ESR1: variants seen among roughly 807,000 people sequenced by gnomAD.
ESR1 encodes the protein estrogen receptor 1, also known as estrogen receptor.
In ESR1, 12 loss-of-function variants were observed where a neutral mutation model predicts 52.7. The ratio of observed to expected loss-of-function variants is 0.23; its 90% CI spans 0.15 to 0.37. The LOEUF is 0.37. ESR1 is among the 10% of genes least tolerant of loss of function. The probability of loss-of-function intolerance (pLI) is 1.00; values close to 1 mark genes in which losing one functional copy is unlikely to be tolerated. For synonymous variants in ESR1, 305 were observed against 316.8 expected (o/e 0.96, Z 0.39); for missense variants, 584 against 779.7 (o/e 0.75, Z 2.99).
chr6:151,829,611 GA>G (rs1381794520), intron 1 of ESR1, among the ~76,000 whole-genome samples: 2 of 152,104 alleles, frequency 1.3e-5, no homozygotes, highest in Non-Finnish European at 2.9e-5. Flanking sequence ...GAAAGGGTTT[GA>G]AAAATGGGCT....
intron 3 of ESR1, among the ~76,000 whole-genome samples, chr6:151,899,150 A>T: frequency 8.6e-6 from 1 of 116,034 alleles, no homozygotes; most frequent in Admixed American, 8.7e-5. Context: ...TCCCTCCCGG[A>T]CGGGGCGGCT....
chr6:151,719,149 C>A (rs1781267650), intron 2 of ESR1, among the ~76,000 whole-genome samples: 1 of 152,150 alleles, frequency 6.6e-6, no homozygotes, highest in Non-Finnish European at 1.5e-5. Context: ...CAGTAAACAA[C>A]CTAGACTAAC....
chr6:151,957,572 AG>A (rs1479898371), intron 4 of ESR1, among the ~76,000 whole-genome samples: 1 of 152,112 alleles, frequency 6.6e-6, no homozygotes, highest in African/African-American at 2.4e-5. Flanking sequence ...AAAAAATTCT[AG>A]GTATTGACCC....
At chr6:151,665,390 TA>T (rs761250320) in intron 1 of ESR1, among the ~76,000 whole-genome samples, 10 of 152,200 alleles carry the variant, frequency 6.6e-5, no homozygotes, top group Non-Finnish European at 1.2e-4. Context: ...ATTTCATCGT[TA>T]AACTGGCCTC....
intron 2 of ESR1, among the ~76,000 whole-genome samples, chr6:151,732,880 G>A (rs1782362221): frequency 6.6e-6 from 1 of 152,100 alleles, no homozygotes; most frequent in South Asian, 2.1e-4. Context: ...AGAAGTTTTT[G>A]ACTTTGTGAA....
intron 1 of ESR1, among the ~76,000 whole-genome samples, chr6:151,668,764 A>G (rs1327924553): frequency 6.6e-6 from 1 of 152,082 alleles, no homozygotes; most frequent in Non-Finnish European, 1.5e-5. Flanking sequence ...TGGGTTTCCT[A>G]TGGGTCCTCT....
chr6:151,881,189 T>C (rs940405734), intron 3 of ESR1, among the ~76,000 whole-genome samples: 2 of 152,198 alleles, frequency 1.3e-5, no homozygotes, highest in African/African-American at 4.8e-5. Context: ...GCTGAGTAGC[T>C]AATTTATAGC....
In ESR1 at chr6:152,061,193, A is replaced by T; in HGVS notation, c.1369+69A>T. ...TATTTGTAGTTTTCAACCAGATACG[A>T]TCTACCCACTCCAAAGGCATAATGT... On this transcript the variant is annotated intron_variant, in intron 6 of 7. Coordinates refer to ENST00000206249, the MANE Select transcript of ESR1 (RefSeq NM_000125.4). This position sits in a 1 kb window ranked among gnomAD's most constrained non-coding sequence, Gnocchi z 4.3. The T allele has an allele frequency of 6.9e-7, 1 of 1,452,232 alleles. No individual in the cohort carries two copies. Among genetic ancestry groups the T allele is most frequent in the Non-Finnish European group, 9.7e-7 (1 of 1,035,680 alleles). 90.0% of individuals were successfully genotyped at this position (1,452,232 alleles called of 1,614,324 possible). A position where few individuals can be genotyped will look rare whatever the true frequency, so the allele number is the denominator to read the frequency against.
intron 2 of ESR1, among the ~76,000 whole-genome samples, chr6:151,850,095 T>TTTGTATATATACAAAA (rs1562474637): frequency 3.3e-5 from 4 of 122,732 alleles, no homozygotes; most frequent in African/African-American, 1.2e-4. Context: ...TATATATAAT[T>TTTGTATATATACAAAA]TTATATATAT....
intron 4 of ESR1, among the ~76,000 whole-genome samples, chr6:151,970,741 G>T (rs762932840): frequency 2.6e-5 from 4 of 152,060 alleles, no homozygotes; most frequent in Non-Finnish European, 4.4e-5. Context: ...TATTCTCCTC[G>T]CTCTCTCTAA....
chr6:152,106,002 C>T (rs1156590164), downstream of ESR1, among the ~76,000 whole-genome samples: 1 of 149,848 alleles, frequency 6.7e-6, no homozygotes, highest in African/African-American at 2.5e-5. Context: ...ACCTTGTTAG[C>T]CAGGATGGTC....
intron 7 of ESR1, among the ~76,000 whole-genome samples, chr6:152,096,450 A>T (rs1018474175): frequency 2.4e-4 from 36 of 152,188 alleles, no homozygotes; most frequent in African/African-American, 8.4e-4. Context: ...GCTCCTGGGA[A>T]AATAGATGTA....
chr6:151,887,787 G>T (rs1456271741), intron 3 of ESR1, among the ~76,000 whole-genome samples: 1 of 149,412 alleles, frequency 6.7e-6, no homozygotes, highest in African/African-American at 2.5e-5. Context: ...TCTTAAGCTG[G>T]TTTTTTTTTT....
chr6:151,659,390 G>C (rs556131375), intron 1 of ESR1, among the ~76,000 whole-genome samples: 28 of 152,288 alleles, frequency 1.8e-4, no homozygotes, highest in Non-Finnish European at 3.4e-4. Flanking sequence ...TCAGCCAAGA[G>C]CTCCCCACTC....
At chr6:152,125,227 ATAATGG>A (rs1164650131) in intron 6 of ESR1, 1 of 1,545,856 alleles carries the variant, frequency 6.5e-7, no homozygotes, top group South Asian at 1.2e-5. Flanking sequence ...GGTGATAGGA[ATAATGG>A]TAATGGTAAT....
At chr6:151,973,172 A>G (rs925827688) in intron 4 of ESR1, among the ~76,000 whole-genome samples, 2 of 152,208 alleles carry the variant, frequency 1.3e-5, no homozygotes, top group African/African-American at 2.4e-5. Context: ...TTACATATTA[A>G]TCATCACAGC....
At chr6:152,095,839 A>G (rs2050566934) in intron 7 of ESR1, among the ~76,000 whole-genome samples, 1 of 152,238 alleles carries the variant, frequency 6.6e-6, no homozygotes, top group East Asian at 1.9e-4. Context: ...CCATCATTGC[A>G]ATATGGCTTG....
At chr6:151,770,605 G>C (rs1459024658) in intron 2 of ESR1, among the ~76,000 whole-genome samples, 1 of 152,002 alleles carries the variant, frequency 6.6e-6, no homozygotes, top group East Asian at 1.9e-4. Context: ...TTTCCAAGCG[G>C]TAAAGGTGAT....
chr6:151,998,024 C>T (rs2041642623), intron 4 of ESR1, among the ~76,000 whole-genome samples: 1 of 152,130 alleles, frequency 6.6e-6, no homozygotes, highest in Non-Finnish European at 1.5e-5. Context: ...GTTAATCTTT[C>T]ATGTTACTTA....
Sources: gnomAD v4.1 joint callset for allele counts (sites outside exome capture counted in the v4.1 genomes callset) on GRCh38, gnomAD v4.1.1 for gene constraint, Gnocchi (gnomAD v3.1) non-coding constraint, MANE v1.5 for transcripts, NCBI Gene and HGNC (gene_info 2026-07-23, HGNC 2026-07-21) for gene names.